The following LRBA variants were observed in gnomAD, a reference collection of about 807,000 sequenced individuals.
The protein encoded by LRBA is lipopolysaccharide-responsive and beige-like anchor protein.
In LRBA, 176 loss-of-function variants were observed where a neutral mutation model predicts 330.0. The ratio of observed to expected loss-of-function variants is 0.53; its 90% confidence interval spans 0.47 to 0.60. The LOEUF is 0.60. Among genes scored for constraint, LRBA ranks in the 20% least tolerant of loss-of-function variants. The pLI, the probability that LRBA is intolerant of heterozygous loss-of-function variation, is 0.00. For missense variants in LRBA, 3,259 were observed against 3,444.8 expected (o/e 0.95, Z 1.35); for synonymous variants, 1,230 against 1,193.0 (o/e 1.03, Z -0.64).
intron 40 of LRBA, among the ~76,000 whole-genome samples, chr4:150,527,047 T>C (rs2152187671): frequency 6.6e-6 from 1 of 151,952 alleles, no homozygotes; most frequent in South Asian, 2.1e-4. Context: ...GGTTATTTAA[T>C]CTATAGAATT....
chr4:151,014,731 G>A lies in LRBA; in HGVS notation c.-89C>T. 1.2e-6 allele frequency: 1 copy of A among 839,214 alleles called. No homozygotes were observed. Among genetic ancestry groups the A allele is most frequent in the Non-Finnish European group, 1.9e-6 (1 of 537,828 alleles). 52.0% of individuals were successfully genotyped at this position (839,214 alleles called of 1,614,324 possible). ...GAGCACAACACACGCAATGCAAAAC[G>A]AAAGGGTCCCTCTTCCAACTTGTGG... On this transcript the variant is annotated 5_prime_UTR_variant, in exon 2 of 57. Coordinates refer to ENST00000651943, the MANE Select transcript of LRBA (RefSeq NM_001364905.1).
chr4:150,436,273 G>A (rs1027947326), intron 45 of LRBA, among the ~76,000 whole-genome samples: 4 of 152,132 alleles, frequency 2.6e-5, no homozygotes, highest in Non-Finnish European at 5.9e-5. Flanking sequence ...CTTTCTAGTA[G>A]ATGAATCACC....
At chr4:150,444,290 T>G (rs1174348058) in intron 44 of LRBA, among the ~76,000 whole-genome samples, 2 of 152,148 alleles carry the variant, frequency 1.3e-5, no homozygotes, top group Admixed American at 6.6e-5. Flanking sequence ...TTTTCTGTGT[T>G]GCTGAGGCTT....
chr4:150,330,633 T>A (rs1733870045), intron 48 of LRBA, among the ~76,000 whole-genome samples: 1 of 152,116 alleles, frequency 6.6e-6, no homozygotes, highest in Non-Finnish European at 1.5e-5. Context: ...TGCATTCCGA[T>A]GACAATCTAA....
chr4:150,307,337 G>A (rs149264371), intron 52 of LRBA, among the ~76,000 whole-genome samples: 8 of 152,080 alleles, frequency 5.3e-5, no homozygotes, highest in African/African-American at 1.7e-4. Flanking sequence ...CTTGATTGTG[G>A]TGGTGGTGAA....
chr4:150,643,126 T>C (rs1778835180), intron 37 of LRBA, among the ~76,000 whole-genome samples: 1 of 151,882 alleles, frequency 6.6e-6, no homozygotes, highest in Non-Finnish European at 1.5e-5. Flanking sequence ...AACGCACAAG[T>C]AGTCCAATTC....
At chr4:150,458,933 T>C (rs1302959634) in intron 44 of LRBA, among the ~76,000 whole-genome samples, 1 of 151,998 alleles carries the variant, frequency 6.6e-6, no homozygotes, top group Non-Finnish European at 1.5e-5. Context: ...TGCACCTCCA[T>C]TTTTAAGAAT....
chr4:150,562,783 C>G (rs1402129779), intron 40 of LRBA, among the ~76,000 whole-genome samples: 1 of 150,836 alleles, frequency 6.6e-6, no homozygotes, highest in Non-Finnish European at 1.5e-5. Flanking sequence ...TCTCTCATGC[C>G]CACAATTAAG....
At chr4:150,905,691 A>G in intron 13 of LRBA, 147 bp downstream of exon 13, 2 of 636,190 alleles carry the variant, frequency 3.1e-6, no homozygotes, top group South Asian at 2.7e-5. Flanking sequence ...CTGAAGAGTA[A>G]AAAAGGATGC....
intron 38 of LRBA, among the ~76,000 whole-genome samples, chr4:150,592,914 G>C (rs771274208): frequency 2.6e-5 from 4 of 151,960 alleles, no homozygotes; most frequent in African/African-American, 9.7e-5. Context: ...GATTACAGGC[G>C]TAAGTCATCT....
chr4:150,528,736 G>A lies in LRBA; in HGVS notation c.6331-37701C>T, dbSNP rs181712804. 1.2e-3 allele frequency among the ~76,000 whole-genome samples: 189 copies of A among 152,038 alleles called. 4 individuals are homozygous for A. Among genetic ancestry groups the A allele is most frequent in the African/African-American group, 4.5e-3 (185 of 41,486 alleles). ...TTTTAGGTAGATAATATCTTACTTT[G>A]TTAAAAAGGAATTTTTAAAAGGGGT... On this transcript the variant is annotated intron_variant, in intron 40 of 56. Transcript: ENST00000651943.
chr4:150,586,542 T>A (rs1336868468), intron 40 of LRBA, among the ~76,000 whole-genome samples: 2 of 152,162 alleles, frequency 1.3e-5, no homozygotes, highest in African/African-American at 4.8e-5. Context: ...GGCAGGAGTT[T>A]TAACTTCTGG....
chr4:150,670,312 C>T (rs1202219160), intron 37 of LRBA, among the ~76,000 whole-genome samples: 1 of 152,138 alleles, frequency 6.6e-6, no homozygotes, highest in Non-Finnish European at 1.5e-5. Context: ...AAATTATTGA[C>T]TTCACGATAA....
chr4:151,005,763 C>T (rs1022471411), intron 2 of LRBA, among the ~76,000 whole-genome samples: 1 of 151,860 alleles, frequency 6.6e-6, no homozygotes, highest in African/African-American at 2.4e-5. Context: ...CGCCACCACG[C>T]CTGGCTAATT....
At chr4:150,777,972 CAAAAAAAAAAAAAAAA>C (rs57988391) in intron 34 of LRBA, among the ~76,000 whole-genome samples, 1 of 65,650 alleles carries the variant, frequency 1.5e-5, no homozygotes, top group Non-Finnish European at 3.0e-5. Flanking sequence ...GACTCTGTTT[CAAAAAAAAAAAAAAAA>C]AAAAAAAAAA....
At chr4:150,298,142 G>A (rs74734955) in intron 53 of LRBA, among the ~76,000 whole-genome samples, 5,508 of 152,090 alleles carry the variant, frequency 0.036, 321 homozygotes, top group African/African-American at 0.12. Flanking sequence ...CAAAGAATAA[G>A]AATTTATCAG....
At chr4:150,842,247 A>G (rs1749198215) in intron 28 of LRBA, among the ~76,000 whole-genome samples, 1 of 152,164 alleles carries the variant, frequency 6.6e-6, no homozygotes, top group Admixed American at 6.5e-5. Context: ...CTAAAAGATG[A>G]TATTAGAGAA....
intron 36 of LRBA, among the ~76,000 whole-genome samples, chr4:150,702,130 A>C (rs999873165): frequency 1.3e-5 from 2 of 152,194 alleles, no homozygotes; most frequent in African/African-American, 4.8e-5. Context: ...CTATTTCCTA[A>C]TTATGAGTTT....
At chr4:150,316,037 G>T (rs943881425) in intron 50 of LRBA, among the ~76,000 whole-genome samples, 1 of 152,152 alleles carries the variant, frequency 6.6e-6, no homozygotes, top group African/African-American at 2.4e-5. Flanking sequence ...CTACAAAAAT[G>T]TCAACTTATG....
Sources: gnomAD v4.1 joint callset for allele counts (sites outside exome capture counted in the v4.1 genomes callset) on GRCh38, gnomAD v4.1.1 for gene constraint, MANE v1.5 for transcripts, NCBI Gene and HGNC (gene_info 2026-07-23, HGNC 2026-07-21) for gene names.